PDCD1LG2: variants seen among roughly 807,000 people sequenced by gnomAD.
The protein encoded by PDCD1LG2 is B7 dendritic cell molecule.
In PDCD1LG2, 32 loss-of-function variants were observed where a neutral mutation model predicts 28.2. The ratio of observed to expected loss-of-function variants is 1.13; its 90% CI spans 0.86 to 1.52. The LOEUF is 1.52. Ranked by LOEUF, PDCD1LG2 falls within the 40% of genes most tolerant of loss-of-function variation. The pLI is 0.00. For synonymous variants in PDCD1LG2, 116 were observed against 120.2 expected (o/e 0.97, Z 0.23); for missense variants, 385 against 323.8 (o/e 1.19, Z -1.45).
intron 2 of PDCD1LG2, among the ~76,000 whole-genome samples, chr9:5,527,314 C>T (rs552577170): frequency 2.0e-5 from 3 of 152,294 alleles, no homozygotes; most frequent in African/African-American, 4.8e-5. Flanking sequence ...AAACAAAAAG[C>T]TTCACCCAAG....
intron 3 of PDCD1LG2, among the ~76,000 whole-genome samples, chr9:5,544,479 C>T (rs191847386): frequency 4.6e-4 from 70 of 152,266 alleles, no homozygotes; most frequent in Admixed American, 1.0e-3. Flanking sequence ...TCCAGTCCAC[C>T]CTCTAGTGTT....
intron 4 of PDCD1LG2, among the ~76,000 whole-genome samples, chr9:5,556,960 G>A (rs1293639450): frequency 7.2e-5 from 11 of 152,144 alleles, no homozygotes; most frequent in South Asian, 2.1e-4. Context: ...GTGCTAGGAC[G>A]TTGAAAAACC....
At chr9:5,538,749 A>T (rs1212768711) in intron 3 of PDCD1LG2, among the ~76,000 whole-genome samples, 1 of 152,128 alleles carries the variant, frequency 6.6e-6, no homozygotes. Context: ...ACATGATTAC[A>T]AGCAATAACA....
chr9:5,540,044 C>G (rs1820658930), intron 3 of PDCD1LG2, among the ~76,000 whole-genome samples: 1 of 152,178 alleles, frequency 6.6e-6, no homozygotes, highest in Non-Finnish European at 1.5e-5. Flanking sequence ...ATCAAGTACT[C>G]TCTTAGATCA....
chr9:5,539,035 A>C (rs949278716), intron 3 of PDCD1LG2, among the ~76,000 whole-genome samples: 2 of 152,198 alleles, frequency 1.3e-5, no homozygotes, highest in Non-Finnish European at 2.9e-5. Flanking sequence ...AAATATTTAT[A>C]TGTATTTTTC....
intron 5 of PDCD1LG2, among the ~76,000 whole-genome samples, chr9:5,561,772 C>G (rs997799377): frequency 1.3e-5 from 2 of 152,170 alleles, no homozygotes; most frequent in African/African-American, 4.8e-5. Context: ...AGCACCAGCC[C>G]ATGAACCAGA....
At chr9:5,536,006 G>A (rs553077962) in intron 3 of PDCD1LG2, among the ~76,000 whole-genome samples, 1 of 152,124 alleles carries the variant, frequency 6.6e-6, no homozygotes, top group Non-Finnish European at 1.5e-5. Flanking sequence ...CCCCTCCCAC[G>A]CATTGGACCT....
intron 5 of PDCD1LG2, among the ~76,000 whole-genome samples, chr9:5,561,736 C>G (rs1816566541): frequency 6.6e-6 from 1 of 152,180 alleles, no homozygotes; most frequent in Admixed American, 6.5e-5. Context: ...CAGTTATCAT[C>G]ATAGGCTGGT....
intron 3 of PDCD1LG2, among the ~76,000 whole-genome samples, chr9:5,536,179 G>A (rs1820577085): frequency 6.6e-6 from 1 of 152,178 alleles, no homozygotes; most frequent in East Asian, 1.9e-4. Context: ...CCTTGGGCAG[G>A]TTATTTTGCC....
intron 3 of PDCD1LG2, among the ~76,000 whole-genome samples, chr9:5,543,632 T>C (rs919661416): frequency 3.3e-5 from 5 of 151,264 alleles, no homozygotes; most frequent in Admixed American, 1.3e-4. Context: ...AAGGCAGCAG[T>C]GAAAAGACAA....
At chr9:5,563,760 T>C (rs1816613018) in intron 6 of PDCD1LG2, among the ~76,000 whole-genome samples, 1 of 152,080 alleles carries the variant, frequency 6.6e-6, no homozygotes, top group Non-Finnish European at 1.5e-5. Context: ...GGCTGGCAAG[T>C]TTGAAATGTG....
chr9:5,540,141 G>A (rs769041938), intron 3 of PDCD1LG2, among the ~76,000 whole-genome samples: 1 of 152,164 alleles, frequency 6.6e-6, no homozygotes, highest in Non-Finnish European at 1.5e-5. Context: ...TGATCATTGG[G>A]TGAACAATGA....
chr9:5,537,196 G>A (rs954766171), intron 3 of PDCD1LG2, among the ~76,000 whole-genome samples: 2 of 152,170 alleles, frequency 1.3e-5, no homozygotes, highest in Non-Finnish European at 2.9e-5. Flanking sequence ...TAACGAAACT[G>A]CTTCCATTCC....
intron 1 of PDCD1LG2, among the ~76,000 whole-genome samples, chr9:5,519,823 C>A (rs944614147): frequency 6.6e-6 from 1 of 152,206 alleles, no homozygotes; most frequent in Non-Finnish European, 1.5e-5. Context: ...ATCTCCATTG[C>A]CTTAGTGACT....
At chr9:5,528,632 A>G (rs1302122521) in intron 2 of PDCD1LG2, among the ~76,000 whole-genome samples, 1 of 151,930 alleles carries the variant, frequency 6.6e-6, no homozygotes, top group East Asian at 1.9e-4. Context: ...TACTTATTGT[A>G]TATCTTCATT....
intron 1 of PDCD1LG2, among the ~76,000 whole-genome samples, chr9:5,512,866 A>C (rs929406424): frequency 6.6e-6 from 1 of 151,984 alleles, no homozygotes; most frequent in Non-Finnish European, 1.5e-5. Context: ...AACCACAGTC[A>C]ATCTTGTTGC....
chr9:5,546,011 G>A (rs893861616), intron 3 of PDCD1LG2, among the ~76,000 whole-genome samples: 3 of 152,082 alleles, frequency 2.0e-5, no homozygotes, highest in Non-Finnish European at 2.9e-5. Context: ...TGTGGGAAGC[G>A]ATTCCTTTTC....
At chr9:5,527,414 A>G (rs2129753787) in intron 2 of PDCD1LG2, among the ~76,000 whole-genome samples, 1 of 152,350 alleles carries the variant, frequency 6.6e-6, no homozygotes, top group African/African-American at 2.4e-5. Flanking sequence ...TTCATTAGAT[A>G]TCCTTTTGTA....
At chr9:5,554,882 C>T (rs766333581) in intron 4 of PDCD1LG2, among the ~76,000 whole-genome samples, 7 of 152,142 alleles carry the variant, frequency 4.6e-5, no homozygotes, top group Non-Finnish European at 1.0e-4. Context: ...TACTTAGCCA[C>T]TCTAGCACTC....
Sources: gnomAD v4.1 joint callset for allele counts (sites outside exome capture counted in the v4.1 genomes callset) on GRCh38, gnomAD v4.1.1 for gene constraint, MANE v1.5 for transcripts, NCBI Gene and HGNC (gene_info 2026-07-23, HGNC 2026-07-21) for gene names.